The following CCDC7 variants were observed in gnomAD, a reference collection of about 807,000 sequenced individuals.
CCDC7 encodes coiled-coil domain-containing protein 7.
A neutral mutation model predicts 196.9 loss-of-function variants in CCDC7; 183 were observed. That is an observed-to-expected ratio of 0.93 (90% CI 0.82 to 1.05). The LOEUF (loss-of-function observed/expected upper bound fraction) is 1.05, where lower values mean the gene tolerates loss of function less well. CCDC7 is among the 50% of genes least tolerant of loss of function. CCDC7 has a pLI of 0.00. For missense variants in CCDC7, 1,540 were observed against 1,482.2 expected (o/e 1.04, Z -0.64); for synonymous variants, 525 against 484.6 (o/e 1.08, Z -1.10).
At chr10:32,719,267 A>G (rs1036722865) in intron 25 of CCDC7, among the ~76,000 whole-genome samples, 6 of 152,340 alleles carry the variant, frequency 3.9e-5, no homozygotes, top group African/African-American at 1.4e-4. Context: ...AAAAACAAGC[A>G]ACGGAGAAAG....
At position 32,463,069 on chromosome 10, in the gene CCDC7, A is replaced by G; in HGVS notation, c.510+20A>G. 1 of 1,612,570 alleles carries G rather than the reference A, an allele frequency of 6.2e-7. No homozygotes were observed. The highest frequency in any genetic ancestry group is 8.5e-7 in the Non-Finnish European group (1 of 1,179,486). On this transcript the variant is annotated intron_variant, in intron 5 of 41. Coordinates refer to ENST00000639629, the Ensembl canonical transcript of CCDC7. The stretch of plus-strand genomic sequence containing the variant: ...GAAGAAGTAAGTCTAACGTTTTAAA[A>G]TTGTTAAGTTAATATTTTTTAACTC...
intron 21 of CCDC7, among the ~76,000 whole-genome samples, chr10:32,684,553 C>A (rs144221568): frequency 6.6e-6 from 1 of 152,332 alleles, no homozygotes; most frequent in African/African-American, 2.4e-5. Flanking sequence ...CTCCATGGGT[C>A]ACCACTATTT....
intron 28 of CCDC7, among the ~76,000 whole-genome samples, chr10:32,732,250 A>G (rs898221127): frequency 1.3e-5 from 2 of 152,196 alleles, no homozygotes; most frequent in Non-Finnish European, 2.9e-5. Context: ...CCCATCTCAT[A>G]TTACAAAACT....
At chr10:32,580,042 G>A (rs1184513652) in intron 16 of CCDC7, among the ~76,000 whole-genome samples, 2 of 152,020 alleles carry the variant, frequency 1.3e-5, no homozygotes, top group African/African-American at 2.4e-5. Flanking sequence ...GACCTTGAGA[G>A]TCTCTGCCAA....
chr10:32,657,976 G>T (rs2070340913), intron 20 of CCDC7, among the ~76,000 whole-genome samples: 1 of 152,200 alleles, frequency 6.6e-6, no homozygotes, highest in South Asian at 2.1e-4. Context: ...AGTATTGCAA[G>T]AGTCACCTTT....
intron 9 of CCDC7, among the ~76,000 whole-genome samples, chr10:32,493,082 G>A (rs1446314270): frequency 6.7e-6 from 1 of 149,884 alleles, no homozygotes; most frequent in African/African-American, 2.5e-5. Context: ...TTTTTTTTCT[G>A]GTGAAAACAC....
intron 28 of CCDC7, among the ~76,000 whole-genome samples, chr10:32,774,767 G>A (rs1565465886): frequency 1.3e-5 from 2 of 152,026 alleles, no homozygotes; most frequent in African/African-American, 2.4e-5. Flanking sequence ...TTCTGTGCTG[G>A]CTTCTCATGC....
intron 9 of CCDC7, chr10:32,511,681 C>T (rs940520816): frequency 9.5e-6 from 15 of 1,579,804 alleles, no homozygotes; most frequent in Non-Finnish European, 1.3e-5. Flanking sequence ...AATTCTCAAA[C>T]GCTGACAAAT....
chr10:32,458,452 T>C (rs898763856), intron 3 of CCDC7, among the ~76,000 whole-genome samples: 2 of 116,256 alleles, frequency 1.7e-5, no homozygotes, highest in African/African-American at 6.1e-5. Context: ...GTTGTGTGTG[T>C]GTTTGCATGT....
chr10:32,654,567 T>C (rs2069410007), intron 20 of CCDC7, among the ~76,000 whole-genome samples: 1 of 152,212 alleles, frequency 6.6e-6, no homozygotes, highest in South Asian at 2.1e-4. Context: ...GTCTGCTTAG[T>C]TAGCTTAGTG....
intron 29 of CCDC7, among the ~76,000 whole-genome samples, chr10:32,790,233 A>C (rs930187975): frequency 6.6e-6 from 1 of 152,078 alleles, no homozygotes; most frequent in Non-Finnish European, 1.5e-5. Context: ...GCATTGTTCT[A>C]TTGGGGGCTG....
chr10:32,576,547 CT>C (rs1292038601), intron 16 of CCDC7, among the ~76,000 whole-genome samples: 3,825 of 116,870 alleles, frequency 0.033, 150 homozygotes, highest in African/African-American at 0.11. Flanking sequence ...GCCTGTGTGT[CT>C]TTTTTTTTTT....
At chr10:32,856,265 G>A (rs545724542) in intron 41 of CCDC7, among the ~76,000 whole-genome samples, 6 of 152,132 alleles carry the variant, frequency 3.9e-5, no homozygotes, top group Admixed American at 1.3e-4. Context: ...AATATCAAGA[G>A]TAAAAAGGCA....
chr10:32,671,642 GT>G (rs2074078268), intron 21 of CCDC7, among the ~76,000 whole-genome samples: 1 of 152,134 alleles, frequency 6.6e-6, no homozygotes. Context: ...CGTATCTTTA[GT>G]TTTTCATGTT....
At chr10:32,736,838 A>G (rs565805715) in intron 28 of CCDC7, among the ~76,000 whole-genome samples, 1 of 152,124 alleles carries the variant, frequency 6.6e-6, no homozygotes, top group South Asian at 2.1e-4. Context: ...TACTCATTTT[A>G]TATTTATTTT....
chr10:32,544,312 C>T lies in CCDC7; in HGVS notation c.1134+11C>T, dbSNP rs2052040830. ...TTGGATCAAGTACAGGTAACACACC[C>T]ACTCTCTCTATGCATCAATATTTGA... On this transcript the variant is annotated intron_variant, in intron 13 of 41. Transcript: ENST00000639629. 1.2e-6 allele frequency: 2 copies of T among 1,605,340 alleles called. No homozygotes were observed. Among genetic ancestry groups the T allele is most frequent in the Admixed American group, 1.7e-5 (1 of 58,974 alleles).
At chr10:32,756,677 G>T (rs2076510141) in intron 28 of CCDC7, among the ~76,000 whole-genome samples, 2 of 152,164 alleles carry the variant, frequency 1.3e-5, no homozygotes, top group South Asian at 4.1e-4. Context: ...ATCGATGCTA[G>T]GAGGAAATTG....
At chr10:32,664,889 T>C (rs1269805553) in intron 21 of CCDC7, among the ~76,000 whole-genome samples, 1 of 152,038 alleles carries the variant, frequency 6.6e-6, no homozygotes, top group Non-Finnish European at 1.5e-5. Flanking sequence ...GGAATCCCTG[T>C]AGTGTTTTCC....
chr10:32,497,371 CT>C (rs2043081271), intron 9 of CCDC7, among the ~76,000 whole-genome samples: 1 of 151,800 alleles, frequency 6.6e-6, no homozygotes, highest in African/African-American at 2.4e-5. Context: ...TTTTGAAGGG[CT>C]TTTTGTGTCT....
Sources: allele counts gnomAD v4.1 joint callset (sites outside exome capture counted in the v4.1 genomes callset), GRCh38; gene constraint gnomAD v4.1.1; transcripts MANE v1.5; gene names NCBI Gene and HGNC (gene_info 2026-07-23, HGNC 2026-07-21).